Variants in NALCN observed in about 807,000 individuals in gnomAD.
The protein encoded by NALCN is sodium leak channel, non-selective, also known as sodium leak channel NALCN.
NALCN carries 111 observed loss-of-function variants against 225.3 expected under a neutral mutation model. The ratio of observed to expected loss-of-function variants is 0.49; its 90% CI spans 0.42 to 0.58. The LOEUF is 0.58. Ranked by LOEUF, NALCN falls within the 20% of genes least tolerant of loss-of-function variation. NALCN has a pLI of 0.00. For missense variants in NALCN, 1,378 were observed against 2,202.4 expected, an observed-to-expected ratio of 0.63 and a Z score of 7.49; for synonymous variants, 764 against 769.0, an observed-to-expected ratio of 0.99 and a Z score of 0.11.
intron 14 of NALCN, among the ~76,000 whole-genome samples, chr13:101,181,581 A>C (rs569162038): frequency 1.7e-4 from 25 of 143,058 alleles, no homozygotes; most frequent in Non-Finnish European, 1.1e-4. Context: ...AAAAAAAAAA[A>C]AACAAAAATT....
At chr13:101,390,059 G>A (rs1280264263) in intron 3 of NALCN, among the ~76,000 whole-genome samples, 1 of 152,166 alleles carries the variant, frequency 6.6e-6, no homozygotes, top group Non-Finnish European at 1.5e-5. Context: ...TCCGGCCTGG[G>A]TGACAGAGCG....
In NALCN at chr13:101,210,124, A is replaced by C. The variant is rs564802797; in HGVS notation, c.1627-18070T>G. Among the ~76,000 whole-genome samples the C allele has an allele frequency of 3.9e-5, 6 of 152,242 alleles. No homozygotes were observed. In the East Asian group the frequency reaches 9.7e-4, roughly 25 times the overall value. On this transcript the variant is annotated intron_variant, in intron 13 of 43. Transcript: ENST00000251127. Reference sequence around the variant, plus strand: ...TTCCTTTTGTATTGCACAATTTAAGATTATAGGATGCAGCCCATTAGCTTC... The same window carrying C: ...TTCCTTTTGTATTGCACAATTTAAGCTTATAGGATGCAGCCCATTAGCTTC...
At chr13:101,275,963 C>A (rs71439700) in intron 10 of NALCN, among the ~76,000 whole-genome samples, 4 of 147,838 alleles carry the variant, frequency 2.7e-5, no homozygotes, top group Admixed American at 1.4e-4. Context: ...ACTCAGGAGG[C>A]TGAGGCAGGA....
chr13:101,155,118 AT>A (rs36077385), intron 15 of NALCN, among the ~76,000 whole-genome samples: 71,266 of 151,984 alleles, frequency 0.47, 16,835 homozygotes, highest in East Asian at 0.53. Flanking sequence ...CAAAAACACT[AT>A]TTTGAAGTAA....
intron 17 of NALCN, among the ~76,000 whole-genome samples, chr13:101,134,014 G>GA (rs1288345162): frequency 6.6e-6 from 1 of 151,928 alleles, no homozygotes; most frequent in East Asian, 1.9e-4. Flanking sequence ...CTAAAAAATA[G>GA]AAAAAATAAG....
At chr13:101,159,932 G>GT (rs989272675) in intron 15 of NALCN, among the ~76,000 whole-genome samples, 1 of 148,662 alleles carries the variant, frequency 6.7e-6, no homozygotes, top group Non-Finnish European at 1.5e-5. Context: ...GGTTTTTTTT[G>GT]TTTTTTGTTA....
intron 34 of NALCN, among the ~76,000 whole-genome samples, chr13:101,079,627 C>G (rs1198219703): frequency 1.3e-5 from 2 of 152,328 alleles, no homozygotes; most frequent in Non-Finnish European, 2.9e-5. Flanking sequence ...GATTTGTGAG[C>G]AATTGATGAC....
intron 7 of NALCN, among the ~76,000 whole-genome samples, chr13:101,328,765 G>GTACCATTTTTATCCCTATTT (rs912719524): frequency 6.6e-6 from 1 of 152,142 alleles, no homozygotes. Context: ...TCTGTGATAT[G>GTACCATTTTTATCCCTATTT]TACCATTTTT....
chr13:101,325,002 C>T (rs893820218), intron 7 of NALCN, among the ~76,000 whole-genome samples: 1 of 152,126 alleles, frequency 6.6e-6, no homozygotes, highest in Non-Finnish European at 1.5e-5. Flanking sequence ...TTGCATTGGG[C>T]TTGCTATCCT....
intron 7 of NALCN, among the ~76,000 whole-genome samples, chr13:101,298,158 A>G (rs1219067956): frequency 1.3e-5 from 2 of 152,210 alleles, no homozygotes; most frequent in African/African-American, 4.8e-5. Context: ...TACATTTGCA[A>G]TGACTAAATA....
intron 3 of NALCN, among the ~76,000 whole-genome samples, chr13:101,393,042 A>G (rs1177623010): frequency 1.3e-5 from 2 of 152,264 alleles, no homozygotes; most frequent in East Asian, 3.8e-4. Flanking sequence ...TGATTTGGAT[A>G]AGAATTGTGT....
chr13:101,070,730 G>A (rs2032815451), intron 37 of NALCN, among the ~76,000 whole-genome samples: 2 of 152,134 alleles, frequency 1.3e-5, no homozygotes, highest in Admixed American at 1.3e-4. Context: ...CAGCTATTCT[G>A]TCATCCAGGC....
At chr13:101,390,072 G>T (rs1164510706) in intron 3 of NALCN, among the ~76,000 whole-genome samples, 2 of 152,048 alleles carry the variant, frequency 1.3e-5, no homozygotes, top group Non-Finnish European at 2.9e-5. Context: ...ACAGAGCGAG[G>T]TTCTGTCTCA....
intron 10 of NALCN, among the ~76,000 whole-genome samples, chr13:101,273,206 C>T (rs1160898446): frequency 3.9e-5 from 6 of 152,204 alleles, no homozygotes; most frequent in Non-Finnish European, 8.8e-5. Flanking sequence ...ATGAAAACTC[C>T]TACCTGAGCA....
chr13:101,347,375 T>C (rs1407898172), intron 6 of NALCN, among the ~76,000 whole-genome samples: 1 of 152,140 alleles, frequency 6.6e-6, no homozygotes, highest in Admixed American at 6.6e-5. Flanking sequence ...GGACCCCATC[T>C]GTAAAACCCA....
chr13:101,262,433 G>A (rs1286718140), intron 10 of NALCN, among the ~76,000 whole-genome samples: 1 of 152,266 alleles, frequency 6.6e-6, no homozygotes, highest in East Asian at 1.9e-4. Flanking sequence ...AGAGGAGAGA[G>A]AAGCAGACCT....
At chr13:101,093,734 C>CT (rs2034356875) in intron 28 of NALCN, among the ~76,000 whole-genome samples, 1 of 152,202 alleles carries the variant, frequency 6.6e-6, no homozygotes, top group Non-Finnish European at 1.5e-5. Context: ...TTCCAGCTCC[C>CT]TGTCTGAATT....
chr13:101,135,911 C>G (rs866925437), intron 17 of NALCN, among the ~76,000 whole-genome samples: 1 of 152,180 alleles, frequency 6.6e-6, no homozygotes, highest in Non-Finnish European at 1.5e-5. Context: ...GTGCATGATA[C>G]AGAAAATGCG....
intron 7 of NALCN, among the ~76,000 whole-genome samples, chr13:101,328,722 T>C (rs1241743677): frequency 6.6e-6 from 1 of 152,192 alleles, no homozygotes; most frequent in African/African-American, 2.4e-5. Flanking sequence ...GGTGTGAGGA[T>C]GAGAATAGTC....
Sources: gnomAD v4.1 joint callset for allele counts (sites outside exome capture counted in the v4.1 genomes callset) on GRCh38, gnomAD v4.1.1 for gene constraint, MANE v1.5 for transcripts, NCBI Gene and HGNC (gene_info 2026-07-23, HGNC 2026-07-21) for gene names.